The following SLIT3 variants were observed in gnomAD, a reference collection of about 807,000 sequenced individuals.
SLIT3 encodes slit guidance ligand 3, also known as slit homolog 3 protein.
In SLIT3, 68 loss-of-function variants were observed where a neutral mutation model predicts 184.0. That is an observed-to-expected ratio of 0.37 (90% confidence interval 0.30 to 0.45). The LOEUF is 0.45. SLIT3 is among the 20% of genes least tolerant of loss of function. The pLI, the probability that SLIT3 is intolerant of heterozygous loss-of-function variation, is 1.00. For missense variants in SLIT3, 1,707 were observed against 2,026.0 expected, an observed-to-expected ratio of 0.84 and a Z score of 3.02; for synonymous variants, 831 against 828.6, an observed-to-expected ratio of 1.00 and a Z score of -0.05.
At chr5:168,670,073 AC>A in intron 34 of SLIT3, 82 bp from the exon 35 acceptor site, 2 of 1,175,804 alleles carry the variant, frequency 1.7e-6, no homozygotes, top group Non-Finnish European at 1.3e-6. Flanking sequence ...CCAGCCAGGG[AC>A]CAGGGGACCC....
At chr5:168,709,707 A>G (rs1762489073) in intron 25 of SLIT3, among the ~76,000 whole-genome samples, 1 of 152,228 alleles carries the variant, frequency 6.6e-6, no homozygotes, top group Admixed American at 6.5e-5. Context: ...CTATATATCA[A>G]AATAAGTATT....
chr5:169,069,946 G>A (rs929736330), intron 4 of SLIT3, among the ~76,000 whole-genome samples: 1 of 152,186 alleles, frequency 6.6e-6, no homozygotes, highest in Admixed American at 6.5e-5. Flanking sequence ...CTCCAATGGA[G>A]GTTTCAGAAA....
At chr5:169,158,358 C>T (rs914749328) in intron 4 of SLIT3, among the ~76,000 whole-genome samples, 6 of 151,758 alleles carry the variant, frequency 4.0e-5, no homozygotes, top group African/African-American at 1.5e-4. Flanking sequence ...TCTGTCAACC[C>T]AGAATTCTAT....
intron 5 of SLIT3, among the ~76,000 whole-genome samples, chr5:168,867,429 T>C (rs1157377339): frequency 1.3e-5 from 2 of 152,100 alleles, no homozygotes; most frequent in East Asian, 3.9e-4. Context: ...AAATAAACAA[T>C]GATGAGTCAA....
intron 1 of SLIT3, among the ~76,000 whole-genome samples, chr5:169,286,903 C>T (rs530963780): frequency 4.6e-5 from 7 of 152,250 alleles, no homozygotes; most frequent in African/African-American, 1.2e-4. Flanking sequence ...GTTTTAAAGA[C>T]GGGAAGAGAG....
chr5:169,224,027 A>G (rs992852251), intron 3 of SLIT3, among the ~76,000 whole-genome samples: 2 of 152,330 alleles, frequency 1.3e-5, no homozygotes. Flanking sequence ...TAGTCTTAAG[A>G]AGATACATCG....
intron 1 of SLIT3, among the ~76,000 whole-genome samples, chr5:169,267,186 T>C (rs528390800): frequency 6.6e-6 from 1 of 152,200 alleles, no homozygotes; most frequent in South Asian, 2.1e-4. Context: ...TTAAGACACC[T>C]GTCTATGGTC....
At position 168,687,119 on chromosome 5, in the gene SLIT3, G is replaced by A. The variant is rs972715733; in HGVS notation, c.3177-3C>T. ...TGTAGCCAGGGACACACTCGCAGCTGGAACATAGGCAGAGGCAAGGCCGTT... is the reference window on the plus strand; with the variant it reads ...TGTAGCCAGGGACACACTCGCAGCTAGAACATAGGCAGAGGCAAGGCCGTT... On this transcript the variant is annotated splice_polypyrimidine_tract_variant and splice_region_variant and intron_variant, in intron 29 of 35. Coordinates refer to ENST00000519560, the MANE Select transcript of SLIT3 (RefSeq NM_003062.4). 11 of 1,613,378 alleles carry A rather than the reference G, an allele frequency of 6.8e-6. No individual in the cohort carries two copies. Among genetic ancestry groups the A allele is most frequent in the Non-Finnish European group, 9.3e-6 (11 of 1,179,308 alleles).
chr5:168,966,433 G>A (rs745941984), intron 4 of SLIT3, among the ~76,000 whole-genome samples: 6 of 152,014 alleles, frequency 3.9e-5, no homozygotes, highest in Non-Finnish European at 8.8e-5. Context: ...GCCTGGGTCA[G>A]GGCACCAGGA....
intron 4 of SLIT3, among the ~76,000 whole-genome samples, chr5:169,049,987 A>AT (rs201209304): frequency 6.6e-6 from 1 of 151,752 alleles, no homozygotes; most frequent in Non-Finnish European, 1.5e-5. Context: ...TGAGCCATCT[A>AT]TTTTTTTTCC....
intron 4 of SLIT3, among the ~76,000 whole-genome samples, chr5:169,168,338 A>C (rs1285037340): frequency 6.6e-6 from 1 of 152,202 alleles, no homozygotes; most frequent in Non-Finnish European, 1.5e-5. Flanking sequence ...AATATTCTAC[A>C]ATCTTGTCTT....
intron 4 of SLIT3, among the ~76,000 whole-genome samples, chr5:169,113,721 T>C (rs1760534762): frequency 1.3e-5 from 2 of 149,932 alleles, no homozygotes; most frequent in African/African-American, 4.9e-5. Context: ...AGTGGCTCGA[T>C]CACGGCTCAC....
chr5:168,938,982 T>C (rs75771818), intron 4 of SLIT3, among the ~76,000 whole-genome samples: 1,751 of 152,276 alleles, frequency 0.011, 33 homozygotes, highest in African/African-American at 0.04. Context: ...AGATACTTGT[T>C]CACAGTGGAA....
intron 3 of SLIT3, among the ~76,000 whole-genome samples, chr5:169,233,607 C>G (rs910150842): frequency 6.6e-6 from 1 of 152,150 alleles, no homozygotes; most frequent in African/African-American, 2.4e-5. Context: ...ATGTAACAAA[C>G]CTGCACATAC....
chr5:169,076,840 C>T (rs1758762011), intron 4 of SLIT3, among the ~76,000 whole-genome samples: 1 of 152,128 alleles, frequency 6.6e-6, no homozygotes, highest in Admixed American at 6.5e-5. Flanking sequence ...CAATCAAGTG[C>T]TACTCAGTTG....
intron 15 of SLIT3, among the ~76,000 whole-genome samples, chr5:168,761,777 G>C (rs998109101): frequency 6.6e-6 from 1 of 151,644 alleles, no homozygotes; most frequent in Non-Finnish European, 1.5e-5. Flanking sequence ...CTCACTCTGT[G>C]GCCCAGGCTG....
At chr5:168,696,265 CCATA>C (rs780006824) in intron 28 of SLIT3, 23 bp downstream of exon 28, 2 of 1,613,800 alleles carry the variant, frequency 1.2e-6, no homozygotes, top group Non-Finnish European at 1.7e-6. Context: ...CTCCACCCCA[CCATA>C]CATACAGTCA....
chr5:169,215,956 C>T (rs958417799), intron 3 of SLIT3, among the ~76,000 whole-genome samples: 2 of 152,166 alleles, frequency 1.3e-5, no homozygotes, highest in African/African-American at 4.8e-5. Context: ...CTCAAAATAA[C>T]CTATGATAGT....
At chr5:169,158,319 A>G (rs1448356361) in intron 4 of SLIT3, among the ~76,000 whole-genome samples, 2 of 152,202 alleles carry the variant, frequency 1.3e-5, no homozygotes, top group African/African-American at 4.8e-5. Flanking sequence ...GAAGTGACAC[A>G]ATTTTTTTTC....
Sources: allele counts gnomAD v4.1 joint callset (sites outside exome capture counted in the v4.1 genomes callset), GRCh38; gene constraint gnomAD v4.1.1; transcripts MANE v1.5; gene names NCBI Gene and HGNC (gene_info 2026-07-23, HGNC 2026-07-21).